The following C2orf42 variants were observed in gnomAD, a reference collection of about 807,000 sequenced individuals.
The protein encoded by C2orf42 is chromosome 2 open reading frame 42.
A neutral mutation model predicts 58.9 loss-of-function variants in C2orf42; 44 were observed. The observed-to-expected ratio is 0.75, with a 90% CI of 0.59 to 0.96. C2orf42 has a LOEUF of 0.96. C2orf42 is among the 40% of genes least tolerant of loss of function. C2orf42 has a pLI of 0.00. For synonymous variants in C2orf42, 239 were observed against 265.4 expected, an observed-to-expected ratio of 0.90 and a Z score of 0.97; for missense variants, 630 against 699.2, an observed-to-expected ratio of 0.90 and a Z score of 1.12.
chr2:70,169,750 GT>G, intron 5 of C2orf42, 89 bp from the exon 6 acceptor site: 3 of 690,324 alleles, frequency 4.3e-6, no homozygotes, highest in East Asian at 5.3e-5. Flanking sequence ...AAGTTAACAA[GT>G]TTTTTTATTT....
rs762631900 is a variant in C2orf42 at position 70,157,140 on chromosome 2, G to C, written c.1516+3485C>G. 1.1e-3 allele frequency among the ~76,000 whole-genome samples: 174 copies of C among 152,138 alleles called. 1 individual carries two copies. Among genetic ancestry groups the C allele is most frequent in the Non-Finnish European group, 1.8e-3 (122 of 68,026 alleles). On this transcript the variant is annotated intron_variant, in intron 9 of 9. Coordinates refer to ENST00000264434, the MANE Select transcript of C2orf42 (RefSeq NM_017880.3). Reference sequence around the variant, plus strand: ...CTCTTCTAGTCTTTGGCAGGTCAAAGAGATAACAAAGAGGACTTAAACACC... The same window carrying C: ...CTCTTCTAGTCTTTGGCAGGTCAAACAGATAACAAAGAGGACTTAAACACC...
In C2orf42 at chr2:70,186,313, T is replaced by TAC. The variant is rs756925138; in HGVS notation, c.-281-3380_-281-3379dup. Among the ~76,000 whole-genome samples the TAC allele has an allele frequency of 1.8e-3, 266 of 151,210 alleles. 2 individuals are homozygous for TAC. The East Asian group carries it at 0.018, about 10-fold the overall frequency. On this transcript the variant is annotated intron_variant, in intron 1 of 9. Transcript: ENST00000264434. The stretch of plus-strand genomic sequence containing the variant: ...ACATATATATACGTATATGTATATA[T>TAC]ACACACACACACACACATATATACA...
At chr2:70,190,238 G>A (rs961343628) in intron 1 of C2orf42, 8 of 152,214 alleles carry the variant, frequency 5.3e-5, no homozygotes, top group African/African-American at 1.9e-4. Flanking sequence ...CAGCCTCCTC[G>A]GCGGGAGAGT....
chr2:70,161,155 A>T (rs765635634), intron 8 of C2orf42, among the ~76,000 whole-genome samples: 1 of 152,146 alleles, frequency 6.6e-6, no homozygotes, highest in Non-Finnish European at 1.5e-5. Context: ...CTTTGTTCAT[A>T]GCACCTGCAG....
rs1486209627 is a variant in C2orf42 at position 70,181,521 on chromosome 2, G to A, written c.465C>T (p.Val155=). 1.2e-6 allele frequency: 2 copies of A among 1,613,398 alleles called. No homozygotes were observed. The highest frequency in any genetic ancestry group is 1.7e-6 in the Non-Finnish European group (2 of 1,180,020). Residue 155 remains valine, a synonymous_variant, in exon 3 of 10, where the codon GTC becomes GTT. Transcript: ENST00000264434. The stretch of plus-strand genomic sequence containing the variant: ...CCGGGGAGGCCTGCATTGCATTCAG[G>A]ACCGAGCTCTTCAGGGTCAGAGGGG... ...EATPLTLKSS[V]LNAMQASPET... is the part of the protein sequence containing the mutation.
chr2:70,153,785 C>T (rs1382846420), intron 9 of C2orf42, among the ~76,000 whole-genome samples: 1 of 151,128 alleles, frequency 6.6e-6, no homozygotes, highest in African/African-American at 2.4e-5. Context: ...AACGGCCGGG[C>T]GCGGTGGCTC....
At chr2:70,181,140 A>G in intron 3 of C2orf42, 23 bp downstream of exon 3, 2 of 1,401,522 alleles carry the variant, frequency 1.4e-6, no homozygotes, top group Non-Finnish European at 1.9e-6. Context: ...AAACGTAATA[A>G]CCACATCAAC....
intron 5 of C2orf42, among the ~76,000 whole-genome samples, chr2:70,172,189 A>G (rs1673868214): frequency 7.0e-6 from 1 of 142,688 alleles, no homozygotes; most frequent in Non-Finnish European, 1.5e-5. Context: ...GTGCCACTGT[A>G]CTCCAGCCTA....
chr2:70,175,049 A>T (rs189577351), intron 5 of C2orf42, among the ~76,000 whole-genome samples: 230 of 152,146 alleles, frequency 1.5e-3, no homozygotes, highest in African/African-American at 4.4e-3. Context: ...AGTTTTTTTT[A>T]AAAATTATTT....
At chr2:70,164,006 ATTTT>A (rs111670730) in intron 8 of C2orf42, among the ~76,000 whole-genome samples, 1 of 146,136 alleles carries the variant, frequency 6.8e-6, no homozygotes, top group Non-Finnish European at 1.5e-5. Flanking sequence ...CCTATCTTAA[ATTTT>A]TTTTTTTTTT....
At position 70,160,686 on chromosome 2, in the gene C2orf42, G is replaced by A. The variant is rs143487383; in HGVS notation, c.1455C>T (p.Tyr485=). ...GCACTGGTTGTTTTTCTATACGACC[G>A]TAGGTTTCTGCTATGCTTTCTACTT... ...KVEVESIAET[Y]GRIEKQPVLR... The change falls in exon 9 of 10, where the codon TAC becomes TAT. Residue 485 remains tyrosine, a synonymous_variant. Coordinates refer to ENST00000264434, the MANE Select transcript of C2orf42 (RefSeq NM_017880.3). The A allele has an allele frequency of 3.0e-5, 49 of 1,612,828 alleles. No homozygotes were observed. Among genetic ancestry groups the A allele is most frequent in the African/African-American group, 5.3e-5 (4 of 74,804 alleles).
At chr2:70,183,840 C>T (rs1451284129) in intron 1 of C2orf42, among the ~76,000 whole-genome samples, 1 of 148,740 alleles carries the variant, frequency 6.7e-6, no homozygotes, top group African/African-American at 2.5e-5. Context: ...TTTTTCTGCT[C>T]TCTTACCCAG....
In C2orf42 at chr2:70,181,450, G is replaced by C; in HGVS notation, c.536C>G (p.Pro179Arg). 6.2e-7 allele frequency: 1 copy of C among 1,614,062 alleles called. No individual in the cohort carries two copies. Residue 179 changes from proline to arginine, a missense_variant, in exon 3 of 10, where the codon CCT (proline) becomes CGT (arginine). Pro to Arg is a moderately radical substitution (Grantham distance 103, BLOSUM62 -2). Coordinates refer to ENST00000264434, the MANE Select transcript of C2orf42 (RefSeq NM_017880.3). ...GTTTTTAGTAATTCTCTGCACCAGA[G>C]GACCTGTGGGTTCCGTGGCCAACTG... Reference protein sequence around the residue: ...IWQLATEPTGPLVQRITKNIL... With the variant: ...IWQLATEPTGRLVQRITKNIL...
At chr2:70,151,503 A>G (rs1025418384) in intron 9 of C2orf42, among the ~76,000 whole-genome samples, 1 of 151,868 alleles carries the variant, frequency 6.6e-6, no homozygotes, top group African/African-American at 2.4e-5. Flanking sequence ...GTGTGGTAGC[A>G]TGCTCCTGTA....
At chr2:70,157,478 C>A (rs1230515809) in intron 9 of C2orf42, among the ~76,000 whole-genome samples, 1 of 142,578 alleles carries the variant, frequency 7.0e-6, no homozygotes, top group Admixed American at 6.9e-5. Context: ...AACAAACAAA[C>A]AAAAAACCAC....
At chr2:70,152,307 T>C (rs1672361116) in intron 9 of C2orf42, among the ~76,000 whole-genome samples, 1 of 152,200 alleles carries the variant, frequency 6.6e-6, no homozygotes, top group South Asian at 2.1e-4. Context: ...AAATGTTAGG[T>C]ATTATCTAGT....
intron 1 of C2orf42, among the ~76,000 whole-genome samples, chr2:70,189,320 C>T (rs1675165372): frequency 7.1e-6 from 1 of 140,790 alleles, no homozygotes; most frequent in South Asian, 2.3e-4. Flanking sequence ...GCAGGAGGAT[C>T]GCTTGAACCC....
intron 6 of C2orf42, among the ~76,000 whole-genome samples, chr2:70,167,844 A>C (rs771460985): frequency 9.2e-5 from 14 of 152,148 alleles, no homozygotes; most frequent in Non-Finnish European, 1.8e-4. Context: ...GGAGATGGTA[A>C]GATGGAATAG....
At chr2:70,173,635 CTTTATTTTA>C (rs1418796808) in intron 5 of C2orf42, among the ~76,000 whole-genome samples, 1 of 150,888 alleles carries the variant, frequency 6.6e-6, no homozygotes, top group Admixed American at 6.6e-5. Flanking sequence ...TCTTTTTTTT[CTTTATTTTA>C]GACAAGATTT....
Sources: allele counts gnomAD v4.1 joint callset (sites outside exome capture counted in the v4.1 genomes callset), GRCh38; gene constraint gnomAD v4.1.1; transcripts MANE v1.5; gene names NCBI Gene and HGNC (gene_info 2026-07-23, HGNC 2026-07-21).